The following NRG1 variants were observed in gnomAD, a reference collection of about 807,000 sequenced individuals.
The protein encoded by NRG1 is pro-neuregulin-1, membrane-bound isoform.
In NRG1, 18 loss-of-function variants were observed where a neutral mutation model predicts 63.8. The observed-to-expected ratio is 0.28, with a 90% CI of 0.19 to 0.42. The LOEUF (loss-of-function observed/expected upper bound fraction) is 0.42. NRG1 is among the 10% of genes least tolerant of loss of function. The probability of loss-of-function intolerance (pLI) is 1.00; values close to 1 mark genes in which losing one functional copy is unlikely to be tolerated. For missense variants in NRG1, 762 were observed against 814.7 expected (o/e 0.94, Z 0.79); for synonymous variants, 302 against 301.3 (o/e 1.00, Z -0.02).
chr8:31,834,748 C>A (rs534393300), intron 1 of NRG1, among the ~76,000 whole-genome samples: 1 of 152,162 alleles, frequency 6.6e-6, no homozygotes, highest in African/African-American at 2.4e-5. Flanking sequence ...GAAGATGCTA[C>A]GTACATTATA....
intron 5 of NRG1, among the ~76,000 whole-genome samples, chr8:32,651,658 T>A (rs1296823381): frequency 6.6e-6 from 1 of 152,136 alleles, no homozygotes; most frequent in African/African-American, 2.4e-5. Flanking sequence ...TTGTCCTAAG[T>A]CTTATTATGG....
chr8:31,664,611 T>C (rs1382724131), intron 1 of NRG1, among the ~76,000 whole-genome samples: 1 of 152,206 alleles, frequency 6.6e-6, no homozygotes, highest in African/African-American at 2.4e-5. Context: ...TTAATTCCAC[T>C]TACCATTATA....
At chr8:32,278,304 A>G (rs1852326795) in intron 1 of NRG1, among the ~76,000 whole-genome samples, 1 of 152,214 alleles carries the variant, frequency 6.6e-6, no homozygotes, top group Non-Finnish European at 1.5e-5. Flanking sequence ...AAGTAAGTGA[A>G]AAATAGAGCA....
At chr8:31,972,951 A>G (rs1807547593) in intron 1 of NRG1, among the ~76,000 whole-genome samples, 1 of 152,244 alleles carries the variant, frequency 6.6e-6, no homozygotes, top group African/African-American at 2.4e-5. Flanking sequence ...TACATAATAT[A>G]TAACTTCACA....
At chr8:32,729,204 A>G (rs1318246411) in intron 6 of NRG1, among the ~76,000 whole-genome samples, 1 of 152,236 alleles carries the variant, frequency 6.6e-6, no homozygotes, top group Non-Finnish European at 1.5e-5. Flanking sequence ...ATTAAAAAGT[A>G]TGTTTATTTT....
chr8:31,674,403 A>G (rs1002385150), intron 1 of NRG1, among the ~76,000 whole-genome samples: 1 of 152,176 alleles, frequency 6.6e-6, no homozygotes, highest in Non-Finnish European at 1.5e-5. Flanking sequence ...ACTTATTATT[A>G]TTATTGGATA....
intron 1 of NRG1, among the ~76,000 whole-genome samples, chr8:31,980,861 A>G (rs1396709627): frequency 2.6e-5 from 4 of 152,148 alleles, no homozygotes; most frequent in Middle Eastern, 3.4e-3. Flanking sequence ...AGGTGGGAGA[A>G]TAACACGTTG....
At chr8:32,548,099 C>G (rs941045936), upstream of NRG1, 1 of 579,722 alleles carries the variant, frequency 1.7e-6, no homozygotes, top group Non-Finnish European at 2.2e-6. Flanking sequence ...ACCCCCCGCC[C>G]GGCCAGCGCG....
chr8:32,028,578 C>T (rs1300001678), intron 1 of NRG1, among the ~76,000 whole-genome samples: 1 of 152,002 alleles, frequency 6.6e-6, no homozygotes, highest in Non-Finnish European at 1.5e-5. Flanking sequence ...ACATTCAGGT[C>T]ATCTTATAGT....
Position 32,483,931 on chromosome 8 carries a change from C to T in NRG1, c.38-111897C>T, listed in dbSNP as rs7838037. Among the ~76,000 whole-genome samples, 1,435 of 152,040 alleles carry T rather than the reference C, an allele frequency of 9.4e-3. 22 individuals are homozygous for T. Among genetic ancestry groups the T allele is most frequent in the African/African-American group, 0.033 (1,359 of 41,460 alleles). ...CATCCTGGCTAACATGGTGAAAACCCGTCTCTACTAAAAATACAAAAATTA... is the reference window on the plus strand; with the variant it reads ...CATCCTGGCTAACATGGTGAAAACCTGTCTCTACTAAAAATACAAAAATTA... On this transcript the variant is annotated intron_variant, in intron 1 of 10. Coordinates refer to the NRG1 transcript ENST00000519301.
chr8:32,536,754 C>T (rs1307163186), intron 1 of NRG1, among the ~76,000 whole-genome samples: 3 of 151,354 alleles, frequency 2.0e-5, no homozygotes, highest in Non-Finnish European at 2.9e-5. Flanking sequence ...AACCCCTTCT[C>T]TACTAAAAAA....
chr8:31,761,371 G>T (rs905265926), intron 1 of NRG1, among the ~76,000 whole-genome samples: 2 of 152,040 alleles, frequency 1.3e-5, no homozygotes, highest in Admixed American at 6.6e-5. Flanking sequence ...GTTAATGGGT[G>T]CAGCACACCA....
At chr8:32,030,595 A>G (rs1489258085) in intron 1 of NRG1, 1 of 152,120 alleles carries the variant, frequency 6.6e-6, no homozygotes, top group Non-Finnish European at 1.5e-5. Context: ...AGAATACTCC[A>G]TAGCTACAGA....
chr8:32,248,299 A>G (rs1208655862), intron 1 of NRG1, among the ~76,000 whole-genome samples: 8 of 152,100 alleles, frequency 5.3e-5, no homozygotes, highest in African/African-American at 1.7e-4. Context: ...TTTCTGTCAT[A>G]CATAAGCTTT....
chr8:31,678,945 G>T (rs2131046693), intron 1 of NRG1, among the ~76,000 whole-genome samples: 1 of 151,676 alleles, frequency 6.6e-6, no homozygotes, highest in South Asian at 2.1e-4. Context: ...TTCATGGTAG[G>T]TTTTTAAGCT....
At chr8:32,597,036 A>G (rs562340095) in intron 2 of NRG1, among the ~76,000 whole-genome samples, 64 of 152,334 alleles carry the variant, frequency 4.2e-4, no homozygotes, top group African/African-American at 1.5e-3. Context: ...TTACTTAAGA[A>G]TCATTTCTTC....
chr8:31,751,408 C>T (rs1816447114), intron 1 of NRG1, among the ~76,000 whole-genome samples: 1 of 151,930 alleles, frequency 6.6e-6, no homozygotes, highest in Non-Finnish European at 1.5e-5. Flanking sequence ...GAGGGAACAA[C>T]ATTTGCAAAG....
intron 1 of NRG1, among the ~76,000 whole-genome samples, chr8:32,376,584 A>C (rs1809660577): frequency 2.0e-5 from 3 of 152,202 alleles, no homozygotes; most frequent in Non-Finnish European, 2.9e-5. Flanking sequence ...AAGCTGGAAA[A>C]ATATAAATTG....
Position 32,365,402 on chromosome 8 carries a change from C to T in NRG1, c.38-230426C>T, listed in dbSNP as rs538562910. On this transcript the variant is annotated intron_variant, in intron 1 of 10. Coordinates refer to the NRG1 transcript ENST00000519301. ...ACTTGCATTATTTATTTAAGATTTA[C>T]GTAGTTGGATTTCTTTCTCCTTTCA... is the stretch of plus-strand genomic sequence containing the variant. 5.9e-5 allele frequency among the ~76,000 whole-genome samples: 9 copies of T among 151,708 alleles called. No homozygotes were observed. In the South Asian group the frequency reaches 8.3e-4, roughly 14 times the overall value.
Sources: gnomAD v4.1 joint callset for allele counts (sites outside exome capture counted in the v4.1 genomes callset) on GRCh38, gnomAD v4.1.1 for gene constraint, MANE v1.5 for transcripts, NCBI Gene and HGNC (gene_info 2026-07-23, HGNC 2026-07-21) for gene names.